The following ZNF385D variants were observed in gnomAD, a reference collection of about 807,000 sequenced individuals.
ZNF385D encodes zinc finger protein 659.
A neutral mutation model predicts 35.8 loss-of-function variants in ZNF385D; 15 were observed. The observed-to-expected ratio is 0.42, with a 90% CI of 0.28 to 0.64. The LOEUF (loss-of-function observed/expected upper bound fraction) is 0.64, where lower values mean the gene tolerates loss of function less well. ZNF385D is among the 30% of genes least tolerant of loss of function. The pLI, the probability that ZNF385D is intolerant of heterozygous loss-of-function variation, is 0.23. For missense variants in ZNF385D, 474 were observed against 494.6 expected (o/e 0.96, Z 0.39); for synonymous variants, 212 against 186.8 (o/e 1.13, Z -1.10).
At chr3:22,368,597 T>G (rs535647304) in intron 2 of ZNF385D, among the ~76,000 whole-genome samples, 3 of 152,292 alleles carry the variant, frequency 2.0e-5, no homozygotes, top group African/African-American at 4.8e-5. Flanking sequence ...ATTCAATGAC[T>G]GCGGTGGGCC....
intron 2 of ZNF385D, among the ~76,000 whole-genome samples, chr3:22,268,871 C>G (rs781759564): frequency 6.6e-6 from 1 of 151,834 alleles, no homozygotes; most frequent in Non-Finnish European, 1.5e-5. Flanking sequence ...GTTTCCTTAT[C>G]TGGAAAATAG....
chr3:21,834,244 T>C (rs1695185210), intron 3 of ZNF385D, among the ~76,000 whole-genome samples: 1 of 152,068 alleles, frequency 6.6e-6, no homozygotes, highest in African/African-American at 2.4e-5. Context: ...ACCCACCCAG[T>C]CCACGAGACT....
intron 3 of ZNF385D, among the ~76,000 whole-genome samples, chr3:21,994,906 G>T (rs894637566): frequency 6.6e-6 from 1 of 152,222 alleles, no homozygotes; most frequent in Non-Finnish European, 1.5e-5. Flanking sequence ...TAGATCAGCT[G>T]GTCATTGGGC....
At chr3:22,128,073 T>C (rs1366012569) in intron 3 of ZNF385D, among the ~76,000 whole-genome samples, 1 of 152,224 alleles carries the variant, frequency 6.6e-6, no homozygotes, top group Non-Finnish European at 1.5e-5. Flanking sequence ...ATGTACAGTG[T>C]TGATAAAATC....
intron 2 of ZNF385D, among the ~76,000 whole-genome samples, chr3:21,627,391 C>T (rs375526255): frequency 2.0e-5 from 3 of 151,946 alleles, no homozygotes; most frequent in East Asian, 3.9e-4. Flanking sequence ...CTTCAATTTA[C>T]ACTGGGTCCA....
intron 2 of ZNF385D, among the ~76,000 whole-genome samples, chr3:22,182,553 T>C (rs546421235): frequency 6.6e-6 from 1 of 152,078 alleles, no homozygotes; most frequent in African/African-American, 2.4e-5. Flanking sequence ...TAAGAAGAAA[T>C]TTATTTGCTA....
chr3:22,212,908 C>A (rs773521704), intron 2 of ZNF385D, among the ~76,000 whole-genome samples: 2 of 151,764 alleles, frequency 1.3e-5, no homozygotes, highest in Non-Finnish European at 2.9e-5. Flanking sequence ...AAATTGATAA[C>A]CTTAACTAAG....
At chr3:22,233,030 G>C (rs1297358355) in intron 2 of ZNF385D, among the ~76,000 whole-genome samples, 3 of 151,860 alleles carry the variant, frequency 2.0e-5, no homozygotes, top group Non-Finnish European at 4.4e-5. Flanking sequence ...CTATTTAATG[G>C]TGGTTTTCTC....
At chr3:22,232,321 CTT>C (rs35548918) in intron 2 of ZNF385D, among the ~76,000 whole-genome samples, 44,263 of 147,856 alleles carry the variant, frequency 0.3, 8,961 homozygotes, top group African/African-American at 0.58. Context: ...ATGATTACAC[CTT>C]TTTTTTTTTT....
At chr3:22,037,805 T>C (rs900357852) in intron 3 of ZNF385D, among the ~76,000 whole-genome samples, 236 of 152,256 alleles carry the variant, frequency 1.6e-3, no homozygotes, top group African/African-American at 5.4e-3. Context: ...CTGAATGGTA[T>C]TGCCTAGGTT....
intron 3 of ZNF385D, among the ~76,000 whole-genome samples, chr3:22,071,256 G>C (rs1257532546): frequency 6.6e-6 from 1 of 152,104 alleles, no homozygotes; most frequent in African/African-American, 2.4e-5. Flanking sequence ...TCATTCTTCA[G>C]TATCTCTATA....
At chr3:21,542,682 C>T (rs9851117) in intron 3 of ZNF385D, 3 of 151,878 alleles carry the variant, frequency 2.0e-5, no homozygotes, top group Non-Finnish European at 2.9e-5. Context: ...CTCTAATCAG[C>T]CTGCCCACTG....
intron 3 of ZNF385D, among the ~76,000 whole-genome samples, chr3:21,875,245 CTTTT>C (rs989064720): frequency 2.8e-5 from 4 of 140,852 alleles, no homozygotes; most frequent in African/African-American, 1.0e-4. Context: ...CTTTTTATTT[CTTTT>C]TTTTAACCTA....
chr3:22,335,158 T>C (rs1444715686), intron 2 of ZNF385D, among the ~76,000 whole-genome samples: 2 of 152,184 alleles, frequency 1.3e-5, no homozygotes, highest in Admixed American at 1.3e-4. Flanking sequence ...CTTATCTATG[T>C]GTTAGGCCTT....
chr3:21,830,079 T>C (rs1046224591), intron 3 of ZNF385D, among the ~76,000 whole-genome samples: 2 of 151,892 alleles, frequency 1.3e-5, no homozygotes, highest in Non-Finnish European at 2.9e-5. Context: ...GCCCGAGATA[T>C]CACTACTGCA....
chr3:22,131,357 T>C (rs181048456), intron 3 of ZNF385D, among the ~76,000 whole-genome samples: 2 of 152,038 alleles, frequency 1.3e-5, no homozygotes, highest in Non-Finnish European at 2.9e-5. Context: ...CAATGCCTAT[T>C]TGGAGTAGAT....
chr3:22,086,530 C>T (rs975818292), intron 3 of ZNF385D, among the ~76,000 whole-genome samples: 16 of 152,182 alleles, frequency 1.1e-4, no homozygotes, highest in Non-Finnish European at 1.3e-4. Flanking sequence ...CTACAAACCA[C>T]TGCTCAACGA....
chr3:22,100,979 G>C (rs955049006), intron 3 of ZNF385D, among the ~76,000 whole-genome samples: 5 of 151,868 alleles, frequency 3.3e-5, no homozygotes, highest in Non-Finnish European at 5.9e-5. Flanking sequence ...ATAAATACTT[G>C]GACCCACAGT....
intron 3 of ZNF385D, among the ~76,000 whole-genome samples, chr3:21,902,518 C>T (rs188395167): frequency 6.6e-6 from 1 of 152,098 alleles, no homozygotes; most frequent in Non-Finnish European, 1.5e-5. Context: ...TATTCCTTTT[C>T]CTCCTTTTAT....
Sources: allele counts gnomAD v4.1 joint callset (sites outside exome capture counted in the v4.1 genomes callset), GRCh38; gene constraint gnomAD v4.1.1; transcripts MANE v1.5; gene names NCBI Gene and HGNC (gene_info 2026-07-23, HGNC 2026-07-21).